The following CWC22 variants were observed in gnomAD, a reference collection of about 807,000 sequenced individuals.
CWC22 encodes pre-mRNA-splicing factor CWC22 homolog.
CWC22 carries 53 observed loss-of-function variants against 117.2 expected under a neutral mutation model. The observed-to-expected ratio is 0.45, with a 90% CI of 0.36 to 0.57. The LOEUF is 0.57. Among genes scored for constraint, CWC22 ranks in the 20% least tolerant of loss-of-function variants. The probability of loss-of-function intolerance (pLI) is 0.00; values close to 1 mark genes in which losing one functional copy is unlikely to be tolerated. For synonymous variants in CWC22, 360 were observed against 355.6 expected (o/e 1.01, Z -0.14); for missense variants, 980 against 1,068.8 (o/e 0.92, Z 1.16).
chr2:179,970,391 A>G (rs1559290346), intron 11 of CWC22, 110 bp downstream of exon 11: 1 of 1,110,762 alleles, frequency 9.0e-7, no homozygotes, highest in Non-Finnish European at 1.3e-6. Context: ...ACTTTATAAG[A>G]GCAGCGATTC....
intron 13 of CWC22, among the ~76,000 whole-genome samples, chr2:179,963,492 G>A (rs1032165846): frequency 6.6e-6 from 1 of 150,668 alleles, no homozygotes; most frequent in African/African-American, 2.4e-5. Flanking sequence ...ACAGGCGCCC[G>A]CTACCACGCC....
intron 13 of CWC22, among the ~76,000 whole-genome samples, chr2:179,960,626 TGACTC>T (rs1686727711): frequency 6.6e-6 from 1 of 152,002 alleles, no homozygotes; most frequent in Admixed American, 6.6e-5. Flanking sequence ...CAATCTAATA[TGACTC>T]TCATTTTTAT....
At position 180,007,189 on chromosome 2, in the gene CWC22, C is replaced by T. The variant is rs572360628; in HGVS notation, c.-436G>A. ...AAAACTTGACGCTCAATTGGCTTGA[C>T]ACGTTATCCCTTTAATTTATTTCAA... On this transcript the variant is annotated 5_prime_UTR_variant, in exon 1 of 20. Transcript: ENST00000410053. The T allele has an allele frequency of 1.3e-5, 2 of 152,378 alleles. No individual in the cohort carries two copies. The highest frequency in any genetic ancestry group is 4.8e-5 in the African/African-American group (2 of 41,596). 9.4% of individuals were successfully genotyped at this position (152,378 alleles called of 1,614,324 possible). A position where few individuals can be genotyped will look rare whatever the true frequency, so the allele number is the denominator to read the frequency against.
rs115310192 is a variant in CWC22, at chr2:179,997,988, T to C, written c.-113-4534A>G. On this transcript the variant is annotated intron_variant, in intron 1 of 19. Coordinates refer to ENST00000410053, the MANE Select transcript of CWC22 (RefSeq NM_020943.3). ...CAAGAAAAAATGCATGACAGGAGAATTACTTGTACATATATTGGGGCCCAC... is the reference window on the plus strand; with the variant it reads ...CAAGAAAAAATGCATGACAGGAGAACTACTTGTACATATATTGGGGCCCAC... Among the ~76,000 whole-genome samples the C allele has an allele frequency of 4.2e-3, 639 of 152,272 alleles. 2 individuals carry two copies. Among genetic ancestry groups the C allele is most frequent in the African/African-American group, 0.015 (605 of 41,558 alleles).
intron 1 of CWC22, among the ~76,000 whole-genome samples, chr2:180,005,763 T>C (rs973772540): frequency 2.0e-5 from 3 of 152,188 alleles, no homozygotes; most frequent in Non-Finnish European, 4.4e-5. Flanking sequence ...TATTTTTCTT[T>C]ATACTCAAAA....
chr2:179,959,748 T>C (rs762542681), intron 13 of CWC22, among the ~76,000 whole-genome samples: 1 of 151,976 alleles, frequency 6.6e-6, no homozygotes, highest in Non-Finnish European at 1.5e-5. Context: ...ACACTAAACA[T>C]AGAAAAGGTT....
At chr2:179,972,184 T>C (rs933124089) in intron 8 of CWC22, among the ~76,000 whole-genome samples, 5 of 152,142 alleles carry the variant, frequency 3.3e-5, no homozygotes, top group Admixed American at 6.5e-5. Flanking sequence ...TTCATGTAAA[T>C]AAGAATCAAA....
chr2:179,972,343 G>A (rs543299714), intron 8 of CWC22, among the ~76,000 whole-genome samples: 1 of 152,142 alleles, frequency 6.6e-6, no homozygotes, highest in East Asian at 1.9e-4. Flanking sequence ...TTAAATAAAA[G>A]CTAAATCAAA....
At chr2:179,970,387 T>A in intron 11 of CWC22, 114 bp downstream of exon 11, 1 of 1,098,960 alleles carries the variant, frequency 9.1e-7, no homozygotes, top group Non-Finnish European at 1.3e-6. Context: ...AATAACTTTA[T>A]AAGAGCAGCG....
At chr2:179,997,386 T>G (rs538593271) in intron 1 of CWC22, among the ~76,000 whole-genome samples, 1 of 152,148 alleles carries the variant, frequency 6.6e-6, no homozygotes, top group East Asian at 1.9e-4. Context: ...TTAAAAAATA[T>G]TTAAAACAGA....
At chr2:179,955,072 CAA>C in intron 14 of CWC22, 38 bp from the exon 15 acceptor site, 1 of 1,342,236 alleles carries the variant, frequency 7.5e-7, no homozygotes, top group Non-Finnish European at 1.0e-6. Flanking sequence ...ATTCAAAACA[CAA>C]AGAGACTAAA....
chr2:179,964,449 C>G, intron 13 of CWC22, 98 bp downstream of exon 13: 1 of 606,358 alleles, frequency 1.6e-6, no homozygotes, highest in South Asian at 2.3e-5. Flanking sequence ...GAAATGGTGT[C>G]CAGTTTTCTG....
chr2:179,998,309 A>G (rs1384042245), intron 1 of CWC22, among the ~76,000 whole-genome samples: 1 of 152,284 alleles, frequency 6.6e-6, no homozygotes, highest in East Asian at 1.9e-4. Context: ...TTCATAGGTA[A>G]GAAGTGTTTT....
intron 2 of CWC22, among the ~76,000 whole-genome samples, chr2:179,988,971 A>C (rs1437144317): frequency 6.6e-6 from 1 of 150,766 alleles, no homozygotes; most frequent in African/African-American, 2.4e-5. Flanking sequence ...GTTTGGTTAC[A>C]TGGATAAGTT....
At chr2:179,977,377 G>C (rs1357175888) in intron 6 of CWC22, among the ~76,000 whole-genome samples, 1 of 152,108 alleles carries the variant, frequency 6.6e-6, no homozygotes, top group Non-Finnish European at 1.5e-5. Flanking sequence ...ATGTATAATG[G>C]AATACTATTC....
intron 1 of CWC22, among the ~76,000 whole-genome samples, chr2:180,003,879 C>T (rs1687905959): frequency 6.6e-6 from 1 of 152,196 alleles, no homozygotes; most frequent in Admixed American, 6.5e-5. Flanking sequence ...GACTTATTAA[C>T]TTTATTATAT....
intron 19 of CWC22, among the ~76,000 whole-genome samples, chr2:179,949,992 G>A (rs1349802832): frequency 6.6e-6 from 1 of 152,240 alleles, no homozygotes; most frequent in South Asian, 2.1e-4. Context: ...TAGCTGCCAT[G>A]AGGATGGAAG....
At chr2:179,980,186 C>T (rs1425206264) in intron 5 of CWC22, among the ~76,000 whole-genome samples, 1 of 152,102 alleles carries the variant, frequency 6.6e-6, no homozygotes, top group African/African-American at 2.4e-5. Context: ...CTGCCTTGTG[C>T]ATGAGCAAAA....
intron 1 of CWC22, among the ~76,000 whole-genome samples, chr2:180,003,977 T>C (rs1226728750): frequency 6.6e-6 from 1 of 152,242 alleles, no homozygotes; most frequent in Admixed American, 6.5e-5. Context: ...GAAATGTACA[T>C]ACTGAGAAAA....
Sources: allele counts gnomAD v4.1 joint callset (sites outside exome capture counted in the v4.1 genomes callset), GRCh38; gene constraint gnomAD v4.1.1; transcripts MANE v1.5; gene names NCBI Gene and HGNC (gene_info 2026-07-23, HGNC 2026-07-21).